C4orf50: variants seen among roughly 807,000 people sequenced by gnomAD.
C4orf50 encodes uncharacterized protein C4orf50.
In C4orf50, 80 loss-of-function variants were observed where a neutral mutation model predicts 77.2. The ratio of observed to expected loss-of-function variants is 1.04; its 90% CI spans 0.87 to 1.25. The LOEUF (loss-of-function observed/expected upper bound fraction) is 1.25. C4orf50 is among the 50% of genes most tolerant of loss of function. The pLI, the probability that C4orf50 is intolerant of heterozygous loss-of-function variation, is 0.00. For missense variants in C4orf50, 1,257 were observed against 1,152.9 expected, an observed-to-expected ratio of 1.09 and a Z score of -1.31; for synonymous variants, 532 against 465.3, an observed-to-expected ratio of 1.14 and a Z score of -1.84.
intron 25 of C4orf50, among the ~76,000 whole-genome samples, chr4:6,006,777 C>A (rs890859229): frequency 4.6e-5 from 7 of 152,214 alleles, no homozygotes; most frequent in Admixed American, 4.6e-4. Context: ...CTCTCTACTC[C>A]ACAGTGCTGG....
intron 26 of C4orf50, among the ~76,000 whole-genome samples, 180 bp from the exon 5 acceptor site, chr4:5,993,110 C>T (rs541929763): frequency 6.7e-6 from 1 of 149,990 alleles, no homozygotes; most frequent in Non-Finnish European, 1.5e-5. Context: ...GAAGCTGAGG[C>T]TCAGAGACGT....
At chr4:5,975,818 A>C in intron 30 of C4orf50, 81 bp downstream of exon 8, 1 of 1,112,428 alleles carries the variant, frequency 9.0e-7, no homozygotes, top group Non-Finnish European at 1.4e-6. Context: ...ATAGAGGTGG[A>C]TTACATGTCT....
chr4:5,966,936 C>A (rs920873914), intron 32 of C4orf50, among the ~76,000 whole-genome samples: 1 of 152,236 alleles, frequency 6.6e-6, no homozygotes, highest in East Asian at 1.9e-4. Context: ...GCGTGAGCCA[C>A]TGCGCCTGGC....
At chr4:5,997,100 G>A (rs1017104990) in intron 25 of C4orf50, among the ~76,000 whole-genome samples, 1 of 152,216 alleles carries the variant, frequency 6.6e-6, no homozygotes, top group East Asian at 1.9e-4. Flanking sequence ...AGTGAAAGCA[G>A]GAAGAGAGAG....
In C4orf50 at chr4:5,916,748, T is replaced by A. The variant is rs1340924504; in HGVS notation, c.*2475-18560A>T. Among the ~76,000 whole-genome samples, 2 of 151,878 alleles carry A rather than the reference T, an allele frequency of 1.3e-5. No individual in the cohort carries two copies. Among genetic ancestry groups the A allele is most frequent in the Non-Finnish European group, 2.9e-5 (2 of 67,970 alleles). On this transcript the variant is annotated intron_variant, in intron 7 of 7. Transcript: ENST00000324058. The surrounding 1 kb of genome is among the most constrained non-coding windows in gnomAD (Gnocchi z 4.4). ...GAGGTCACTCCTGCAGGAAATAGGG[T>A]CACGGCCCCGAGAGCACTTCTGTGA...
rs1233007647 is a variant in C4orf50 at position 6,000,737 on chromosome 4, G to A, written c.964-6261C>T. On this transcript the variant is annotated intron_variant, in intron 25 of 33. Coordinates refer to ENST00000531445, the Ensembl canonical transcript of C4orf50. This position sits in a 1 kb window ranked among gnomAD's most constrained non-coding sequence, Gnocchi z 6.0. Reference sequence around the variant, plus strand: ...CTGGAGCCAAGCACACGCACCAAGTGGGTACCATCAAATCCTGACTGTTGA... The same window carrying A: ...CTGGAGCCAAGCACACGCACCAAGTAGGTACCATCAAATCCTGACTGTTGA... 2.6e-5 allele frequency among the ~76,000 whole-genome samples: 4 copies of A among 152,118 alleles called. No homozygotes were observed. The highest frequency in any genetic ancestry group is 4.8e-5 in the African/African-American group (2 of 41,412).
intron 7 of C4orf50, among the ~76,000 whole-genome samples, chr4:5,924,450 C>T (rs534888937): frequency 1.3e-5 from 2 of 152,304 alleles, no homozygotes; most frequent in East Asian, 3.9e-4. Context: ...ACATTCCCAG[C>T]CTGCCCCACA....
chr4:5,971,050 G>C (rs2108772722), intron 31 of C4orf50, among the ~76,000 whole-genome samples: 1 of 152,284 alleles, frequency 6.6e-6, no homozygotes, highest in East Asian at 1.9e-4. Flanking sequence ...TGAGCAACAG[G>C]AGCCCAGGGC....
chr4:5,976,814 C>T (rs918199996), intron 29 of C4orf50, among the ~76,000 whole-genome samples: 11 of 152,240 alleles, frequency 7.2e-5, no homozygotes, highest in South Asian at 2.1e-4. Flanking sequence ...TACTATTAGG[C>T]GCAGATGAAA....
At chr4:5,986,834 G>C (rs988170802) in intron 28 of C4orf50, among the ~76,000 whole-genome samples, 1 of 152,024 alleles carries the variant, frequency 6.6e-6, no homozygotes, top group African/African-American at 2.4e-5. Flanking sequence ...ACCATGCCTG[G>C]CCCTAACAAT....
chr4:5,904,559 C>T (rs1181268255), intron 7 of C4orf50: 5 of 152,178 alleles, frequency 3.3e-5, no homozygotes, highest in Admixed American at 1.3e-4. Context: ...GGAGCTGGGG[C>T]GGATAGAGGC....
intron 7 of C4orf50, among the ~76,000 whole-genome samples, chr4:5,921,449 C>T (rs1293922555): frequency 6.6e-6 from 1 of 152,112 alleles, no homozygotes; most frequent in African/African-American, 2.4e-5. Flanking sequence ...ATGTTATGTG[C>T]ACATATAGGG....
At chr4:5,903,982 T>C (rs542554850) in intron 7 of C4orf50, 1 of 152,330 alleles carries the variant, frequency 6.6e-6, no homozygotes, top group East Asian at 1.9e-4. Flanking sequence ...TGTAATGTGA[T>C]ATGGGGCCTG....
Position 6,008,969 on chromosome 4 carries a change from C to CT in C4orf50, c.427-438_427-437insA, listed in dbSNP as rs1722373695. Among the ~76,000 whole-genome samples the CT allele has an allele frequency of 6.6e-6, 1 of 152,208 alleles. No homozygotes were observed. Among genetic ancestry groups the CT allele is most frequent in the East Asian group, 1.9e-4 (1 of 5,190 alleles). On this transcript the variant is annotated intron_variant, in intron 24 of 33. Transcript: ENST00000531445. The surrounding 1 kb of genome is among the most constrained non-coding windows in gnomAD (Gnocchi z 6.0). ...GATCCCCACTTCCTACCTACAGGGT[C>CT]AATGCTTGGCCCACCCAGGGTCAGC... is the stretch of plus-strand genomic sequence containing the variant.
chr4:5,934,748 T>C (rs73067473), intron 7 of C4orf50, among the ~76,000 whole-genome samples: 5,772 of 152,242 alleles, frequency 0.038, 348 homozygotes, highest in African/African-American at 0.13. Context: ...TAAATAACAA[T>C]AGCAACAACA....
At chr4:5,975,907 G>C in exon 30 of C4orf50, 3 of 1,611,536 alleles carry the variant, frequency 1.9e-6, no homozygotes, top group Non-Finnish European at 2.5e-6. Flanking sequence ...ACCTTCAGGG[G>C]AGTCACTGCC....
chr4:5,909,670 C>G (rs1716711136), intron 7 of C4orf50, among the ~76,000 whole-genome samples: 1 of 152,150 alleles, frequency 6.6e-6, no homozygotes, highest in Non-Finnish European at 1.5e-5. Context: ...TTCATCCATT[C>G]TTGATTTTTA....
chr4:5,980,630 G>A (rs1167548129), intron 28 of C4orf50, among the ~76,000 whole-genome samples: 4 of 152,044 alleles, frequency 2.6e-5, no homozygotes, highest in African/African-American at 7.3e-5. Flanking sequence ...TCCGGAGGTG[G>A]GTGTTGGGGA....
chr4:5,914,381 T>C (rs1716947873), intron 7 of C4orf50, among the ~76,000 whole-genome samples: 1 of 151,994 alleles, frequency 6.6e-6, no homozygotes, highest in African/African-American at 2.4e-5. Context: ...ATTTTTTTTA[T>C]TTTTAGTAGA....
Sources: gnomAD v4.1 joint callset for allele counts (sites outside exome capture counted in the v4.1 genomes callset) on GRCh38, gnomAD v4.1.1 for gene constraint, Gnocchi (gnomAD v3.1) non-coding constraint, MANE v1.5 for transcripts, NCBI Gene and HGNC (gene_info 2026-07-23, HGNC 2026-07-21) for gene names.